The following ECM2 variants were observed in gnomAD, a reference collection of about 807,000 sequenced individuals.
ECM2 encodes extracellular matrix protein 2, also known as extracellular matrix protein 2, female organ and adipocyte specific.
Under a neutral mutation model 67.5 loss-of-function variants are expected in ECM2, and 57 were observed. That is an observed-to-expected ratio of 0.84 (90% CI 0.68 to 1.05). The LOEUF is 1.05. Ranked by LOEUF, ECM2 falls within the 50% of genes least tolerant of loss-of-function variation. The pLI, the probability that ECM2 is intolerant of heterozygous loss-of-function variation, is 0.00. For missense variants in ECM2, 741 were observed against 822.8 expected (o/e 0.90, Z 1.22); for synonymous variants, 258 against 294.5 (o/e 0.88, Z 1.27).
At chr9:92,555,429 A>C in the ECM2 span, among the ~76,000 whole-genome samples, 1 of 151,342 alleles carries the variant, frequency 6.6e-6, no homozygotes, top group East Asian at 1.9e-4. Context: ...GGATTTCACC[A>C]TGTTAGCCAG....
chr9:92,552,080 C>CAT, the ECM2 span, among the ~76,000 whole-genome samples: 131 of 74,674 alleles, frequency 1.8e-3, 32 homozygotes, highest in African/African-American at 7.8e-3. Flanking sequence ...ATAGATCTAT[C>CAT]ATATATGTGA....
intron 5 of ECM2, among the ~76,000 whole-genome samples, chr9:92,510,970 A>C (rs1847297484): frequency 6.6e-6 from 1 of 152,254 alleles, no homozygotes; most frequent in South Asian, 2.1e-4. Flanking sequence ...AGTGGGTGGA[A>C]GACCCAGAAG....
intron 9 of ECM2, among the ~76,000 whole-genome samples, chr9:92,498,026 A>G (rs571322222): frequency 3.7e-4 from 56 of 152,230 alleles, no homozygotes; most frequent in African/African-American, 1.3e-3. Context: ...GTGCCGTGCT[A>G]CTTGCACAGC....
rs1324973178 is a variant in ECM2, at chr9:92,496,404, A to G, written c.2011T>C (p.Tyr671His). ...GATGGTATTTCTCTAATTTTAATATAATTGTTTTCAAGATGAAGATGTTCC... is the reference window on the plus strand; with the variant it reads ...GATGGTATTTCTCTAATTTTAATATGATTGTTTTCAAGATGAAGATGTTCC... Reference protein sequence around the residue: ...NLEHLHLENNYIKIREIPSYT... With the variant: ...NLEHLHLENNHIKIREIPSYT... The change falls in exon 10 of 10, where the codon TAT becomes CAT. Residue 671 changes from tyrosine (Y) to histidine (H), a missense_variant. Transcript: ENST00000344604. 5.0e-6 allele frequency: 8 copies of G among 1,610,384 alleles called. No homozygotes were observed. Among genetic ancestry groups the G allele is most frequent in the Non-Finnish European group, 6.8e-6 (8 of 1,178,604 alleles).
intron 7 of ECM2, among the ~76,000 whole-genome samples, 180 bp from the exon 8 acceptor site, chr9:92,502,832 G>A (rs1846770818): frequency 7.1e-6 from 1 of 140,850 alleles, no homozygotes; most frequent in African/African-American, 2.6e-5. Flanking sequence ...TTTTGAGACA[G>A]GGTCTCACTT....
intron 1 of ECM2, among the ~76,000 whole-genome samples, chr9:92,527,369 C>G (rs558098392): frequency 6.6e-6 from 1 of 152,272 alleles, no homozygotes; most frequent in South Asian, 2.1e-4. Context: ...GTTTTCAGTA[C>G]AGTCATGGGC....
At chr9:92,546,868 T>A in the ECM2 span, among the ~76,000 whole-genome samples, 1 of 152,158 alleles carries the variant, frequency 6.6e-6, no homozygotes, top group Middle Eastern at 3.4e-3. Flanking sequence ...GGATATTGAG[T>A]TCATAATTTC....
At chr9:92,554,417 A>G in the ECM2 span, among the ~76,000 whole-genome samples, 1 of 152,004 alleles carries the variant, frequency 6.6e-6, no homozygotes. Context: ...TCCTGACCTC[A>G]GGTGATCCAC....
chr9:92,554,887 C>T, the ECM2 span, among the ~76,000 whole-genome samples: 73 of 152,260 alleles, frequency 4.8e-4, 1 homozygote, highest in African/African-American at 1.6e-3. Context: ...CCATCCGCCT[C>T]GGCCTCCCAA....
At chr9:92,514,565 G>A (rs771265676) in intron 4 of ECM2, 66 bp downstream of exon 4, 271 of 1,515,166 alleles carry the variant, frequency 1.8e-4, no homozygotes, top group Middle Eastern at 3.6e-4. Flanking sequence ...GTGAGCCACC[G>A]TGCCCAGCTG....
downstream of ECM2, among the ~76,000 whole-genome samples, chr9:92,494,820 T>C (rs906768192): frequency 2.0e-5 from 3 of 151,998 alleles, no homozygotes; most frequent in African/African-American, 2.4e-5. Flanking sequence ...AGCAGGAGAA[T>C]CGCTTGAACC....
At chr9:92,540,908 A>G (rs917672621), upstream of ECM2, among the ~76,000 whole-genome samples, 1 of 152,178 alleles carries the variant, frequency 6.6e-6, no homozygotes, top group Non-Finnish European at 1.5e-5. Flanking sequence ...GATAAAGTAA[A>G]AAACAAATAT....
chr9:92,522,482 A>C, intron 2 of ECM2, 93 bp downstream of exon 2: 1 of 1,221,028 alleles, frequency 8.2e-7, no homozygotes, highest in Non-Finnish European at 1.1e-6. Flanking sequence ...CTTCATGGAG[A>C]TGTTCTCCCT....
chr9:92,500,619 C>T, intron 9 of ECM2, 108 bp downstream of exon 9: 1 of 1,152,708 alleles, frequency 8.7e-7, no homozygotes, highest in South Asian at 1.6e-5. Flanking sequence ...CCCCTTAGCA[C>T]CATTTTTTTT....
At chr9:92,547,107 C>A in the ECM2 span, among the ~76,000 whole-genome samples, 5 of 152,060 alleles carry the variant, frequency 3.3e-5, no homozygotes, top group South Asian at 2.1e-4. Context: ...CAAGAACTAG[C>A]GGCGTAAGTG....
upstream of ECM2, chr9:92,538,908 A>AT (rs1441637169): frequency 6.6e-6 from 1 of 151,842 alleles, no homozygotes; most frequent in Non-Finnish European, 1.5e-5. Context: ...CCTTTTCAGT[A>AT]TTTTTCCTGA....
intron 1 of ECM2, among the ~76,000 whole-genome samples, chr9:92,532,864 T>C (rs573809823): frequency 3.8e-4 from 58 of 152,308 alleles, no homozygotes; most frequent in Non-Finnish European, 6.2e-4. Context: ...TCTCTTCATA[T>C]ACCTGATGAC....
chr9:92,553,697 C>A, the ECM2 span, among the ~76,000 whole-genome samples: 7 of 152,040 alleles, frequency 4.6e-5, no homozygotes, highest in Non-Finnish European at 7.4e-5. Context: ...GGATTGAGTT[C>A]TTGATTTAAT....
the ECM2 span, among the ~76,000 whole-genome samples, chr9:92,551,969 ATATATATGTGTGTG>A: frequency 0.32 from 36,356 of 112,386 alleles, 10,370 homozygotes; most frequent in African/African-American, 0.67. Context: ...TATATGTGTG[ATATATATGTGTGTG>A]TATATATGTG....
Sources: allele counts gnomAD v4.1 joint callset (sites outside exome capture counted in the v4.1 genomes callset), GRCh38; gene constraint gnomAD v4.1.1; transcripts MANE v1.5; gene names NCBI Gene and HGNC (gene_info 2026-07-23, HGNC 2026-07-21).